The following CORO1C variants were observed in gnomAD, a reference collection of about 807,000 sequenced individuals.
CORO1C encodes coronin-1C.
Under a neutral mutation model 51.2 loss-of-function variants are expected in CORO1C, and 14 were observed. The observed-to-expected ratio is 0.27, with a 90% CI of 0.18 to 0.43. The LOEUF (loss-of-function observed/expected upper bound fraction) is 0.43, where lower values mean the gene tolerates loss of function less well. Ranked by LOEUF, CORO1C falls within the 20% of genes least tolerant of loss-of-function variation. CORO1C has a pLI of 1.00. For missense variants in CORO1C, 417 were observed against 607.8 expected (o/e 0.69, Z 3.30); for synonymous variants, 181 against 210.5 (o/e 0.86, Z 1.21).
intron 2 of CORO1C, among the ~76,000 whole-genome samples, chr12:108,688,672 C>T (rs755796480): frequency 4.6e-5 from 7 of 151,820 alleles, no homozygotes; most frequent in Non-Finnish European, 8.8e-5. Flanking sequence ...TTTGAGAGGC[C>T]GAGGCAGGTG....
At position 108,648,954 on chromosome 12, in the gene CORO1C, A is replaced by G. The variant is rs1194318024; in HGVS notation, c.1059+9T>C. ...AAAATATGGATTGTCTAGAAAACTC[A>G]GCACTCACCTTCCTGGGAACAGTCA... On this transcript the variant is annotated intron_variant, in intron 9 of 10. Transcript: ENST00000261401. 6.2e-7 allele frequency: 1 copy of G among 1,614,004 alleles called. No homozygotes were observed. Among genetic ancestry groups the G allele is most frequent in the South Asian group, 1.1e-5 (1 of 90,998 alleles).
chr12:108,681,148 G>T (rs2034110396), intron 2 of CORO1C, among the ~76,000 whole-genome samples: 1 of 152,182 alleles, frequency 6.6e-6, no homozygotes, highest in Admixed American at 6.5e-5. Context: ...CTATAGGTGT[G>T]TGCCACCATG....
chr12:108,726,189 G>A (rs967794119), intron 1 of CORO1C, among the ~76,000 whole-genome samples: 9 of 152,082 alleles, frequency 5.9e-5, no homozygotes, highest in South Asian at 2.1e-4. Flanking sequence ...AGGCCGAGGC[G>A]GGCGGATTAT....
At chr12:108,724,791 A>C (rs1330769190) in intron 1 of CORO1C, among the ~76,000 whole-genome samples, 1 of 152,204 alleles carries the variant, frequency 6.6e-6, no homozygotes, top group African/African-American at 2.4e-5. Context: ...TCCTACTCCC[A>C]TTTATAGTCT....
chr12:108,696,129 A>G (rs2034674268), intron 2 of CORO1C, among the ~76,000 whole-genome samples: 1 of 152,160 alleles, frequency 6.6e-6, no homozygotes, highest in Non-Finnish European at 1.5e-5. Flanking sequence ...GGCCATACCC[A>G]TCCTATCCTG....
intron 4 of CORO1C, among the ~76,000 whole-genome samples, chr12:108,660,448 T>A (rs1454658907): frequency 3.5e-5 from 2 of 57,848 alleles, no homozygotes; most frequent in East Asian, 2.4e-3. Context: ...CGAAACTCCA[T>A]CTCAAAAAAA....
At chr12:108,705,121 G>T (rs2034988996) in intron 1 of CORO1C, among the ~76,000 whole-genome samples, 1 of 152,102 alleles carries the variant, frequency 6.6e-6, no homozygotes. Context: ...CAACATATTA[G>T]CAAATTACTT....
chr12:108,711,800 A>G (rs2035188684), intron 1 of CORO1C, among the ~76,000 whole-genome samples: 1 of 152,146 alleles, frequency 6.6e-6, no homozygotes, highest in Non-Finnish European at 1.5e-5. Context: ...AATACACTCA[A>G]AACACCTGAG....
chr12:108,725,216 C>T (rs559916473), intron 1 of CORO1C, among the ~76,000 whole-genome samples: 3 of 152,224 alleles, frequency 2.0e-5, no homozygotes, highest in Non-Finnish European at 4.4e-5. Flanking sequence ...TCTTCAGTGA[C>T]TCAACTTTGA....
chr12:108,670,010 T>C (rs2033651836), intron 3 of CORO1C, among the ~76,000 whole-genome samples: 1 of 152,278 alleles, frequency 6.6e-6, no homozygotes, highest in African/African-American at 2.4e-5. Context: ...GCAATGCCAA[T>C]AAAAGGGCGA....
intron 3 of CORO1C, chr12:108,668,515 G>T (rs566572989): frequency 2.7e-4 from 41 of 151,976 alleles, no homozygotes; most frequent in African/African-American, 9.9e-4. Flanking sequence ...CTTCCCACCC[G>T]CCAAAAAAAA....
At chr12:108,652,548 TAA>T in intron 7 of CORO1C, 131 bp from the exon 8 acceptor site, 1 of 694,692 alleles carries the variant, frequency 1.4e-6, no homozygotes, top group Non-Finnish European at 2.5e-6. Flanking sequence ...TTCTTCCTCA[TAA>T]AGAGGCTTGC....
At chr12:108,671,235 T>C (rs570033466) in intron 3 of CORO1C, among the ~76,000 whole-genome samples, 9 of 151,408 alleles carry the variant, frequency 5.9e-5, no homozygotes, top group Middle Eastern at 3.4e-3. Context: ...ACTCGGAAGG[T>C]TGAGGTGGGA....
chr12:108,647,361 G>A lies in CORO1C; in HGVS notation c.*42C>T. ...ACCAATAACCAGCTCCCAAGCACAA[G>A]TTCTTGCTCCCATTTTTTCTGTAGG... On this transcript the variant is annotated 3_prime_UTR_variant, in exon 11 of 11. Coordinates refer to ENST00000261401, the MANE Select transcript of CORO1C (RefSeq NM_014325.4). 2 of 1,541,066 alleles carry A rather than the reference G, an allele frequency of 1.3e-6. No homozygotes were observed. The highest frequency in any genetic ancestry group is 1.1e-5 in the South Asian group (1 of 87,558).
intron 1 of CORO1C, among the ~76,000 whole-genome samples, chr12:108,723,877 A>T (rs577624244): frequency 2.8e-4 from 43 of 152,228 alleles, no homozygotes; most frequent in Non-Finnish European, 5.3e-4. Context: ...ATGCAAGGGC[A>T]CCTTTGCAAT....
At chr12:108,686,852 G>A (rs927103768) in intron 2 of CORO1C, among the ~76,000 whole-genome samples, 1 of 152,172 alleles carries the variant, frequency 6.6e-6, no homozygotes, top group Non-Finnish European at 1.5e-5. Context: ...CCTGCCCAGA[G>A]CCAAGCAACA....
intron 3 of CORO1C, among the ~76,000 whole-genome samples, chr12:108,671,519 T>C (rs2033720163): frequency 6.6e-6 from 1 of 150,830 alleles, no homozygotes; most frequent in Non-Finnish European, 1.5e-5. Flanking sequence ...CTGGAAACTA[T>C]ATATTGAAAG....
chr12:108,668,082 TA>T (rs982037451), intron 3 of CORO1C, among the ~76,000 whole-genome samples: 20 of 152,316 alleles, frequency 1.3e-4, no homozygotes, highest in African/African-American at 4.8e-4. Flanking sequence ...CAAAAGACCC[TA>T]TTTTTCCATT....
At chr12:108,713,395 T>C (rs1044439383) in intron 1 of CORO1C, among the ~76,000 whole-genome samples, 4 of 152,232 alleles carry the variant, frequency 2.6e-5, no homozygotes, top group Non-Finnish European at 2.9e-5. Context: ...AAAATTCACA[T>C]GTATTACATA....
Sources: gnomAD v4.1 joint callset for allele counts (sites outside exome capture counted in the v4.1 genomes callset) on GRCh38, gnomAD v4.1.1 for gene constraint, MANE v1.5 for transcripts, NCBI Gene and HGNC (gene_info 2026-07-23, HGNC 2026-07-21) for gene names.